Variants in SH3PXD2B observed in about 807,000 individuals in gnomAD.
The protein encoded by SH3PXD2B is SH3 and PX domain-containing protein 2B.
SH3PXD2B carries 37 observed loss-of-function variants against 73.1 expected under a neutral mutation model. The ratio of observed to expected loss-of-function variants is 0.51; its 90% CI spans 0.39 to 0.67. The LOEUF (loss-of-function observed/expected upper bound fraction) is 0.67, where lower values mean the gene tolerates loss of function less well. SH3PXD2B is among the 30% of genes least tolerant of loss of function. SH3PXD2B has a pLI of 0.00. For synonymous variants in SH3PXD2B, 457 were observed against 480.5 expected (o/e 0.95, Z 0.64); for missense variants, 1,053 against 1,197.8 (o/e 0.88, Z 1.78).
In SH3PXD2B at chr5:172,422,432, T is replaced by C; in HGVS notation, c.140A>G (p.Lys47Arg). Residue 47 changes from lysine to arginine, a missense_variant, in exon 2 of 13, where the codon AAG (lysine) becomes AGG (arginine). This residue lies in a region of SH3PXD2B where 466 missense variants were observed against 607.1 expected (regional missense o/e 0.77). Coordinates refer to ENST00000311601, the MANE Select transcript of SH3PXD2B (RefSeq NM_001017995.3). Reference sequence around the variant, plus strand: ...AATCCTTACCTGGAGGTCAAAAAACTTGCTGTAGCGCCGGTAAATGGCCTC... The same window carrying C: ...AATCCTTACCTGGAGGTCAAAAAACCTGCTGTAGCGCCGGTAAATGGCCTC... ...STEAIYRRYS[K>R]FFDLQMQMLD... is the part of the protein sequence containing the mutation. 1 of 1,611,394 alleles carries C rather than the reference T, an allele frequency of 6.2e-7. No individual in the cohort carries two copies. Among genetic ancestry groups the C allele is most frequent in the Non-Finnish European group, 8.5e-7 (1 of 1,179,232 alleles).
intron 7 of SH3PXD2B, among the ~76,000 whole-genome samples, chr5:172,360,695 G>A (rs1757380865): frequency 6.6e-6 from 1 of 152,152 alleles, no homozygotes; most frequent in Admixed American, 6.6e-5. Context: ...GACCAGGCAT[G>A]GTGGCATGTG....
At chr5:172,399,455 G>T (rs925938475) in intron 3 of SH3PXD2B, among the ~76,000 whole-genome samples, 8 of 152,068 alleles carry the variant, frequency 5.3e-5, no homozygotes, top group Non-Finnish European at 1.0e-4. Context: ...TGGGAAAGAG[G>T]ATATGCTTGT....
intron 2 of SH3PXD2B, among the ~76,000 whole-genome samples, chr5:172,412,395 T>G (rs964613442): frequency 6.6e-6 from 1 of 152,236 alleles, no homozygotes; most frequent in African/African-American, 2.4e-5. Flanking sequence ...TTAATTGACT[T>G]GAATTTACAT....
chr5:172,388,382 T>C (rs1400295159), intron 4 of SH3PXD2B, among the ~76,000 whole-genome samples: 4 of 152,214 alleles, frequency 2.6e-5, no homozygotes, highest in Non-Finnish European at 5.9e-5. Context: ...CTATGTAGTC[T>C]ATAAAAGAAA....
At chr5:172,326,547 T>C (rs917172056) in intron 12 of SH3PXD2B, among the ~76,000 whole-genome samples, 14 of 152,122 alleles carry the variant, frequency 9.2e-5, no homozygotes, top group African/African-American at 3.1e-4. Flanking sequence ...CATGATCATG[T>C]TGAGGGAGGG....
In SH3PXD2B at chr5:172,366,949, TTTTTG is replaced by T. The variant is rs1357035510; in HGVS notation, c.428-4085_428-4081del. 6.0e-4 allele frequency among the ~76,000 whole-genome samples: 80 copies of T among 132,288 alleles called. 1 individual carries two copies. The highest frequency in any genetic ancestry group is 1.7e-3 in the South Asian group (7 of 4,086). The allele number at this position is 132,288 out of a possible 152,430, so 86.8% of individuals were successfully genotyped here. On this transcript the variant is annotated intron_variant, in intron 6 of 12. Coordinates refer to ENST00000311601, the MANE Select transcript of SH3PXD2B (RefSeq NM_001017995.3). ...GCCCGGCCATTTTTTTTTTTTTTTT[TTTTTG>T]GGGACAGAGTCTTGCCCCATCGCCC...
chr5:172,375,688 A>G (rs1312433547), intron 5 of SH3PXD2B, among the ~76,000 whole-genome samples: 2 of 152,140 alleles, frequency 1.3e-5, no homozygotes, highest in African/African-American at 4.8e-5. Context: ...TCAGCACTTC[A>G]TTCCTTTTTG....
intron 1 of SH3PXD2B, among the ~76,000 whole-genome samples, chr5:172,449,882 G>A (rs979013020): frequency 1.3e-5 from 2 of 152,194 alleles, no homozygotes; most frequent in African/African-American, 4.8e-5. Context: ...TGAAAAAACA[G>A]GGGCATGTTC....
Position 172,346,247 on chromosome 5 carries a change from G to A in SH3PXD2B, c.1077C>T (p.Asn359=). 2 of 1,613,986 alleles carry A rather than the reference G, an allele frequency of 1.2e-6. No individual in the cohort carries two copies. The highest frequency in any genetic ancestry group is 1.1e-5 in the South Asian group (1 of 91,080). The change falls in exon 12 of 13, where the codon AAC becomes AAT. Residue 359 remains asparagine (N), a synonymous_variant. Coordinates refer to ENST00000311601, the MANE Select transcript of SH3PXD2B (RefSeq NM_001017995.3). The stretch of plus-strand genomic sequence containing the variant: ...GGGGCGGGATGGGCGGCTTCGGCAG[G>A]TTGAGGCCTCGAGGCTGGTACGATC... The part of the protein sequence containing the change: ...RRDMTIPRGL[N]LPKPPIPPQV...
At chr5:172,399,711 A>T (rs1404705010) in intron 3 of SH3PXD2B, among the ~76,000 whole-genome samples, 1 of 152,170 alleles carries the variant, frequency 6.6e-6, no homozygotes, top group African/African-American at 2.4e-5. Context: ...TGACAATAAC[A>T]TCCCTCTGTT....
Position 172,333,621 on chromosome 5 carries a change from T to A in SH3PXD2B, c.*4748A>T, listed in dbSNP as rs1211401398. On this transcript the variant is annotated 3_prime_UTR_variant, in exon 13 of 13. Transcript: ENST00000311601. ...CAGCTAGTTGTTCTCACCCCTCCCC[T>A]CACATCCTATATACTCATTTATTTA... The A allele has an allele frequency of 8.5e-6, 11 of 1,286,908 alleles. No individual in the cohort carries two copies. Among genetic ancestry groups the A allele is most frequent in the Non-Finnish European group, 1.1e-5 (11 of 988,212 alleles). The allele number at this position is 1,286,908 out of a possible 1,614,324, so 79.7% of individuals were successfully genotyped here.
At position 172,339,379 on chromosome 5, in the gene SH3PXD2B, T is replaced by C. The variant is rs1756790034; in HGVS notation, c.1726A>G (p.Arg576Gly). ...AKHIPPARDS[R>G]RPEPKPDKSR... ...TTGTCAGGTTTGGGCTCTGGCCTCCTGCTGTCCCGGGCTGGAGGGATGTGT... is the reference window on the plus strand; with the variant it reads ...TTGTCAGGTTTGGGCTCTGGCCTCCCGCTGTCCCGGGCTGGAGGGATGTGT... Residue 576 changes from arginine (R) to glycine (G), a missense_variant, in exon 13 of 13, where the codon AGG (arginine) becomes GGG (glycine). Physicochemically the swap from Arg to Gly is moderately radical, Grantham distance 125 (BLOSUM62 -2). Transcript: ENST00000311601. This position sits in a 1 kb window ranked among gnomAD's most constrained non-coding sequence, Gnocchi z 6.1. 6.2e-7 allele frequency: 1 copy of C among 1,614,196 alleles called. No homozygotes were observed. The highest frequency in any genetic ancestry group is 2.2e-5 in the East Asian group (1 of 44,868).
chr5:172,346,988 C>T (rs1044663937), intron 11 of SH3PXD2B, among the ~76,000 whole-genome samples: 14 of 152,112 alleles, frequency 9.2e-5, no homozygotes, highest in African/African-American at 3.4e-4. Flanking sequence ...GGCCTCAAGT[C>T]GCCTGAGAAG....
chr5:172,407,470 C>T (rs1043759456), intron 2 of SH3PXD2B, among the ~76,000 whole-genome samples: 9 of 152,186 alleles, frequency 5.9e-5, no homozygotes, highest in African/African-American at 2.2e-4. Context: ...GACATGTGGC[C>T]TGAGTGAGCT....
intron 12 of SH3PXD2B, among the ~76,000 whole-genome samples, chr5:172,341,946 C>G (rs1023589283): frequency 6.6e-6 from 1 of 152,098 alleles, no homozygotes; most frequent in African/African-American, 2.4e-5. Context: ...CATGAGTCAC[C>G]GTGCCCAGCC....
chr5:172,366,725 C>A (rs529644291), intron 6 of SH3PXD2B, among the ~76,000 whole-genome samples: 1 of 151,826 alleles, frequency 6.6e-6, no homozygotes. Flanking sequence ...CTCTGCCTCC[C>A]GGGTGCAAGT....
chr5:172,372,158 T>C (rs1382756965), intron 6 of SH3PXD2B, among the ~76,000 whole-genome samples: 2 of 152,080 alleles, frequency 1.3e-5, no homozygotes, highest in African/African-American at 4.8e-5. Context: ...TGGATCTGCG[T>C]CCCCACCCAA....
intron 12 of SH3PXD2B, among the ~76,000 whole-genome samples, chr5:172,325,875 C>T (rs998839016): frequency 1.3e-5 from 2 of 152,238 alleles, no homozygotes; most frequent in African/African-American, 4.8e-5. Context: ...GCAACCTCCG[C>T]CTCCCGGTTT....
chr5:172,325,391 G>C (rs1187370903), intron 12 of SH3PXD2B: 1 of 1,520,962 alleles, frequency 6.6e-7, no homozygotes, highest in East Asian at 2.4e-5. Flanking sequence ...CTAGATGAAT[G>C]CAGGGAGAAA....
Sources: gnomAD v4.1 joint callset for allele counts (sites outside exome capture counted in the v4.1 genomes callset) on GRCh38, gnomAD v4.1.1 for gene constraint, gnomAD v4.1.1 regional missense constraint, Gnocchi (gnomAD v3.1) non-coding constraint, MANE v1.5 for transcripts, NCBI Gene and HGNC (gene_info 2026-07-23, HGNC 2026-07-21) for gene names.